Variants in COL4A5 observed in about 807,000 individuals in gnomAD.
COL4A5 encodes collagen alpha-5(IV) chain.
In COL4A5, 26 loss-of-function variants were observed where a neutral mutation model predicts 130.2. That is an observed-to-expected ratio of 0.20 (90% CI 0.15 to 0.28). COL4A5 has a LOEUF of 0.28. Among genes scored for constraint, COL4A5 ranks in the 10% least tolerant of loss-of-function variants. COL4A5 has a pLI of 1.00. For missense variants in COL4A5, 1,131 were observed against 1,344.3 expected, an observed-to-expected ratio of 0.84 and a Z score of 2.48; for synonymous variants, 496 against 439.6, an observed-to-expected ratio of 1.13 and a Z score of -1.60.
intron 36 of COL4A5, among the ~76,000 whole-genome samples, chrX:108,654,511 T>G (rs753630515): frequency 8.9e-6 from 1 of 112,803 alleles, no homozygotes; most frequent in East Asian, 2.8e-4. Flanking sequence ...AGTGGCATGA[T>G]CACGGCTCAA....
At chrX:108,475,060 A>G (rs1011246174) in intron 1 of COL4A5, among the ~76,000 whole-genome samples, 1 of 111,365 alleles carries the variant, frequency 9.0e-6, no homozygotes, top group Non-Finnish European at 1.9e-5. Context: ...CTTTTGGTCA[A>G]GATCGTTTTG....
At chrX:108,452,100 GT>G (rs2064522039) in intron 1 of COL4A5, among the ~76,000 whole-genome samples, 1 of 111,842 alleles carries the variant, frequency 8.9e-6, no homozygotes. Context: ...CCCATTGCTT[GT>G]TTTTCTCAGG....
At chrX:108,650,897 A>G (rs1170376217) in intron 36 of COL4A5, among the ~76,000 whole-genome samples, 1 of 110,416 alleles carries the variant, frequency 9.1e-6, no homozygotes. Context: ...CATGTAACCA[A>G]CTACCACCTG....
intron 30 of COL4A5, among the ~76,000 whole-genome samples, chrX:108,617,699 C>G (rs1330103585): frequency 8.9e-6 from 1 of 111,995 alleles, no homozygotes; most frequent in Non-Finnish European, 1.9e-5. Flanking sequence ...CAATTACTGT[C>G]TTACTGAATT....
intron 36 of COL4A5, among the ~76,000 whole-genome samples, chrX:108,653,609 C>T (rs555585760): frequency 8.1e-5 from 9 of 111,478 alleles, no homozygotes; most frequent in African/African-American, 2.6e-4. Context: ...GATAGCAAAA[C>T]CATGGATAAG....
At chrX:108,545,799 G>A (rs1354542608) in intron 2 of COL4A5, among the ~76,000 whole-genome samples, 1 of 111,041 alleles carries the variant, frequency 9.0e-6, no homozygotes, top group African/African-American at 3.3e-5. Flanking sequence ...CTCCTGTATT[G>A]GGTGCATATA....
chrX:108,491,214 A>G (rs2064990576), intron 1 of COL4A5, among the ~76,000 whole-genome samples: 1 of 111,155 alleles, frequency 9.0e-6, no homozygotes, highest in African/African-American at 3.3e-5. Context: ...ATGATATGGA[A>G]GGGGAAACAC....
intron 1 of COL4A5, among the ~76,000 whole-genome samples, chrX:108,454,521 C>T (rs1374124916): frequency 9.0e-6 from 1 of 111,516 alleles, no homozygotes; most frequent in Non-Finnish European, 1.9e-5. Context: ...AGGTGATCCA[C>T]CCTCCTCGGC....
At chrX:108,622,129 T>A (rs2067066318) in intron 32 of COL4A5, among the ~76,000 whole-genome samples, 1 of 112,248 alleles carries the variant, frequency 8.9e-6, no homozygotes, top group Non-Finnish European at 1.9e-5. Flanking sequence ...TAAGCATTAA[T>A]TTTTTTGTTT....
Position 108,620,316 on chromosome X carries a change from C to T in COL4A5, c.2567C>T (p.Pro856Leu), listed in dbSNP as rs2067014406. ...GDPGPPGLDV[P>L]GPPGERGSPG... ...CCAGGACCTCCTGGACTTGATGTTC[C>T]AGGACCCCCAGGTGAAAGAGGCAGT... The change falls in exon 31 of 53, where the codon CCA (proline) becomes CTA (leucine). Residue 856 changes from proline (P) to leucine (L), a missense_variant. Coordinates refer to ENST00000328300, the MANE Select transcript of COL4A5 (RefSeq NM_033380.3). 4 of 1,207,133 alleles carry T rather than the reference C, an allele frequency of 3.3e-6. No homozygotes were observed. In the East Asian group the frequency reaches 1.2e-4, roughly 36 times the overall value.
intron 50 of COL4A5, among the ~76,000 whole-genome samples, 195 bp downstream of exon 50, chrX:108,693,120 C>T (rs184201734): frequency 2.7e-5 from 3 of 111,672 alleles, no homozygotes; most frequent in East Asian, 5.6e-4. Context: ...CCATGATAGA[C>T]ATAGTGTAAT....
rs777808210 is a variant in COL4A5 at position 108,563,869 on chromosome X, T to G, written c.232-13T>G. 2 of 1,204,597 alleles carry G rather than the reference T, an allele frequency of 1.7e-6. No homozygotes were observed. Among genetic ancestry groups the G allele is most frequent in the Non-Finnish European group, 1.1e-6 (1 of 890,206 alleles). On this transcript the variant is annotated splice_polypyrimidine_tract_variant and intron_variant, in intron 3 of 52. Coordinates refer to ENST00000328300, the MANE Select transcript of COL4A5 (RefSeq NM_033380.3). ...TTTGACGGACAAAAACCTAAAAATA[T>G]TGCATTTTTCAGGGTGATGATGGAA...
intron 36 of COL4A5, among the ~76,000 whole-genome samples, chrX:108,642,220 C>T (rs1379452345): frequency 1.8e-5 from 2 of 110,691 alleles, no homozygotes; most frequent in African/African-American, 6.6e-5. Flanking sequence ...TCCCCCACAG[C>T]AGCCACAATA....
intron 2 of COL4A5, among the ~76,000 whole-genome samples, chrX:108,550,945 A>G (rs1201456070): frequency 9.0e-6 from 1 of 111,635 alleles, no homozygotes; most frequent in Non-Finnish European, 1.9e-5. Context: ...AGCCATATGT[A>G]GAAGAATGAA....
At chrX:108,636,424 A>G (rs1186764298) in intron 36 of COL4A5, among the ~76,000 whole-genome samples, 1 of 111,147 alleles carries the variant, frequency 9.0e-6, no homozygotes, top group African/African-American at 3.3e-5. Flanking sequence ...TAAAAGCACA[A>G]ACAACTAAAG....
chrX:108,610,088 G>A (rs1016569178), intron 29 of COL4A5, among the ~76,000 whole-genome samples: 5 of 110,533 alleles, frequency 4.5e-5, no homozygotes, highest in African/African-American at 9.8e-5. Context: ...ATGTGTTAAG[G>A]GCCATATTTT....
intron 44 of COL4A5, among the ~76,000 whole-genome samples, chrX:108,680,320 C>T (rs1308265496): frequency 1.8e-5 from 2 of 111,745 alleles, no homozygotes; most frequent in African/African-American, 6.5e-5. Flanking sequence ...CCTTACCCAA[C>T]CACGGCCAGT....
chrX:108,648,987 A>T (rs1284744776), intron 36 of COL4A5, among the ~76,000 whole-genome samples: 2 of 111,046 alleles, frequency 1.8e-5, no homozygotes, highest in African/African-American at 3.3e-5. Context: ...TTTACCTCAA[A>T]AACCCTAAAT....
chrX:108,458,144 A>G (rs1224555398), intron 1 of COL4A5, among the ~76,000 whole-genome samples: 1 of 110,099 alleles, frequency 9.1e-6, no homozygotes, highest in Non-Finnish European at 1.9e-5. Context: ...GAAATCTTTG[A>G]CTTCCCCAAG....
Sources: allele counts gnomAD v4.1 joint callset (sites outside exome capture counted in the v4.1 genomes callset), GRCh38; gene constraint gnomAD v4.1.1; transcripts MANE v1.5; gene names NCBI Gene and HGNC (gene_info 2026-07-23, HGNC 2026-07-21).